ITGBL1: variants seen among roughly 807,000 people sequenced by gnomAD.
ITGBL1 encodes the protein integrin beta-like protein 1.
A neutral mutation model predicts 68.5 loss-of-function variants in ITGBL1; 51 were observed. That is an observed-to-expected ratio of 0.74 (90% CI 0.59 to 0.94). The LOEUF (loss-of-function observed/expected upper bound fraction) is 0.94, where lower values mean the gene tolerates loss of function less well. Among genes scored for constraint, ITGBL1 ranks in the 40% least tolerant of loss-of-function variants. The probability of loss-of-function intolerance (pLI) is 0.00; values close to 1 mark genes in which losing one functional copy is unlikely to be tolerated. For missense variants in ITGBL1, 649 were observed against 647.4 expected, an observed-to-expected ratio of 1.00 and a Z score of -0.03; for synonymous variants, 209 against 227.3, an observed-to-expected ratio of 0.92 and a Z score of 0.72.
intron 2 of ITGBL1, among the ~76,000 whole-genome samples, chr13:101,559,810 CT>C (rs2050070518): frequency 6.6e-6 from 1 of 152,208 alleles, no homozygotes; most frequent in South Asian, 2.1e-4. Flanking sequence ...ATCAGACTAA[CT>C]TGCATAAAGT....
chr13:101,666,491 T>C (rs938516367), intron 7 of ITGBL1, among the ~76,000 whole-genome samples: 2 of 139,340 alleles, frequency 1.4e-5, no homozygotes, highest in African/African-American at 5.4e-5. Context: ...CTGCAGAACT[T>C]ACATTATTTG....
rs149360366 is a variant in ITGBL1, at chr13:101,670,012, C to G, written c.1016-22573C>G. Among the ~76,000 whole-genome samples the G allele has an allele frequency of 3.8e-3, 579 of 152,176 alleles. 11 individuals carry two copies. Among genetic ancestry groups the G allele is most frequent in the Admixed American group, 0.034 (523 of 15,292 alleles). On this transcript the variant is annotated intron_variant, in intron 7 of 10. Coordinates refer to ENST00000376180, the MANE Select transcript of ITGBL1 (RefSeq NM_004791.3). ...CAGCTCCTACTGCCTTTTTTTCCCCCTCCAGTTGTTACTCTGCCACTGTGG... is the reference window on the plus strand; with the variant it reads ...CAGCTCCTACTGCCTTTTTTTCCCCGTCCAGTTGTTACTCTGCCACTGTGG...
chr13:101,522,219 G>T (rs976197492), intron 2 of ITGBL1, among the ~76,000 whole-genome samples: 2 of 152,092 alleles, frequency 1.3e-5, no homozygotes, highest in African/African-American at 4.8e-5. Flanking sequence ...TTCAACATAC[G>T]AATGTTGGGG....
At chr13:101,681,170 G>C (rs1175077328) in intron 7 of ITGBL1, among the ~76,000 whole-genome samples, 1 of 152,138 alleles carries the variant, frequency 6.6e-6, no homozygotes, top group Non-Finnish European at 1.5e-5. Flanking sequence ...CTATTCTTCA[G>C]CAAGAACATG....
chr13:101,648,491 C>T (rs970699167), intron 7 of ITGBL1, among the ~76,000 whole-genome samples: 2 of 152,038 alleles, frequency 1.3e-5, no homozygotes, highest in African/African-American at 4.8e-5. Context: ...TCCCAGTGAT[C>T]GAGGACAAGG....
intron 7 of ITGBL1, among the ~76,000 whole-genome samples, chr13:101,628,039 T>C (rs980886076): frequency 6.6e-6 from 1 of 150,952 alleles, no homozygotes; most frequent in African/African-American, 2.5e-5. Context: ...CCAAAGAGGC[T>C]GTAGCATTTT....
chr13:101,584,256 T>C (rs1241056336), intron 6 of ITGBL1, among the ~76,000 whole-genome samples: 1 of 152,078 alleles, frequency 6.6e-6, no homozygotes, highest in East Asian at 1.9e-4. Context: ...GAGTTTGCAA[T>C]CTAAATGCAA....
At chr13:101,509,685 G>A (rs1441652592) in intron 2 of ITGBL1, among the ~76,000 whole-genome samples, 1 of 152,060 alleles carries the variant, frequency 6.6e-6, no homozygotes, top group Admixed American at 6.6e-5. Context: ...GGGAAATTTT[G>A]GTTTTAGTGA....
chr13:101,630,597 C>T (rs1207167336), intron 7 of ITGBL1, among the ~76,000 whole-genome samples: 3 of 152,230 alleles, frequency 2.0e-5, no homozygotes, highest in Non-Finnish European at 2.9e-5. Context: ...AGAGAAGACC[C>T]ATAACTCCTA....
At chr13:101,569,333 TA>T (rs1040698974) in intron 3 of ITGBL1, among the ~76,000 whole-genome samples, 2 of 152,148 alleles carry the variant, frequency 1.3e-5, no homozygotes, top group Admixed American at 1.3e-4. Context: ...TGTTTAATAT[TA>T]AGGAATCTAA....
intron 7 of ITGBL1, among the ~76,000 whole-genome samples, chr13:101,647,917 C>A (rs939663682): frequency 1.3e-5 from 2 of 152,068 alleles, no homozygotes; most frequent in Non-Finnish European, 2.9e-5. Context: ...CTGGTGGGAG[C>A]GCTGGTGTGC....
chr13:101,579,263 G>T, intron 4 of ITGBL1, 24 bp from the exon 5 acceptor site: 1 of 1,609,076 alleles, frequency 6.2e-7, no homozygotes, highest in South Asian at 1.1e-5. Flanking sequence ...TTTCCTCACT[G>T]TATAAAATTC....
At chr13:101,575,164 C>T (rs1158981884) in intron 3 of ITGBL1, among the ~76,000 whole-genome samples, 1 of 152,030 alleles carries the variant, frequency 6.6e-6, no homozygotes, top group African/African-American at 2.4e-5. Context: ...TAGCTCTGCA[C>T]TTGGAGAGGT....
intron 2 of ITGBL1, among the ~76,000 whole-genome samples, chr13:101,566,045 T>C (rs1168372134): frequency 6.6e-6 from 1 of 152,160 alleles, no homozygotes; most frequent in Non-Finnish European, 1.5e-5. Flanking sequence ...TAATATAAAA[T>C]TTAAAAAATC....
At chr13:101,478,126 G>T (rs1015692385) in intron 2 of ITGBL1, among the ~76,000 whole-genome samples, 4 of 152,054 alleles carry the variant, frequency 2.6e-5, no homozygotes, top group South Asian at 2.1e-4. Flanking sequence ...ACATTAAAAA[G>T]ATCATTCATC....
chr13:101,644,087 G>C (rs1319498352), intron 7 of ITGBL1, among the ~76,000 whole-genome samples: 2 of 152,148 alleles, frequency 1.3e-5, no homozygotes, highest in Non-Finnish European at 2.9e-5. Flanking sequence ...AGTAGCTGCT[G>C]TCTTTGAAGG....
chr13:101,605,251 T>C (rs946758947), intron 7 of ITGBL1, among the ~76,000 whole-genome samples: 1 of 147,352 alleles, frequency 6.8e-6, no homozygotes, highest in Non-Finnish European at 1.5e-5. Context: ...TATGCGTATA[T>C]ATACACATAT....
At chr13:101,666,333 T>G (rs2033216627) in intron 7 of ITGBL1, among the ~76,000 whole-genome samples, 1 of 152,098 alleles carries the variant, frequency 6.6e-6, no homozygotes, top group African/African-American at 2.4e-5. Context: ...TTTTAGTGAG[T>G]TCTTTTGACT....
At chr13:101,621,758 G>A (rs555437239) in intron 7 of ITGBL1, among the ~76,000 whole-genome samples, 1 of 152,224 alleles carries the variant, frequency 6.6e-6, no homozygotes, top group Admixed American at 6.5e-5. Context: ...TTGGGAAAAG[G>A]CAGACCTTTA....
Sources: allele counts gnomAD v4.1 joint callset (sites outside exome capture counted in the v4.1 genomes callset), GRCh38; gene constraint gnomAD v4.1.1; transcripts MANE v1.5; gene names NCBI Gene and HGNC (gene_info 2026-07-23, HGNC 2026-07-21).